Variants in SLC25A36 observed in about 807,000 individuals in gnomAD.
SLC25A36 encodes epididymis secretory sperm binding protein.
SLC25A36 carries 24 observed loss-of-function variants against 35.3 expected under a neutral mutation model. The observed-to-expected ratio is 0.68, with a 90% CI of 0.49 to 0.96. The LOEUF is 0.96. SLC25A36 is among the 40% of genes least tolerant of loss of function. The pLI, the probability that SLC25A36 is intolerant of heterozygous loss-of-function variation, is 0.00. For missense variants in SLC25A36, 294 were observed against 381.1 expected (o/e 0.77, Z 1.90); for synonymous variants, 141 against 132.2 (o/e 1.07, Z -0.46).
chr3:140,942,981 G>GTTAA (rs1934059164), intron 1 of SLC25A36, among the ~76,000 whole-genome samples: 1 of 152,182 alleles, frequency 6.6e-6, no homozygotes, highest in Non-Finnish European at 1.5e-5. Context: ...TGAAGATAGT[G>GTTAA]TTAATAGTTA....
chr3:140,949,463 T>C (rs1273285007), intron 1 of SLC25A36, among the ~76,000 whole-genome samples: 1 of 152,224 alleles, frequency 6.6e-6, no homozygotes, highest in African/African-American at 2.4e-5. Context: ...TTAAATATTC[T>C]ATAAGATCAA....
At chr3:140,943,536 GA>G (rs1489268807) in intron 1 of SLC25A36, among the ~76,000 whole-genome samples, 4 of 152,184 alleles carry the variant, frequency 2.6e-5, no homozygotes, top group African/African-American at 9.7e-5. Context: ...TAGCTATGTA[GA>G]TGCTCTTGAA....
At chr3:140,949,069 G>C (rs747959443) in intron 1 of SLC25A36, among the ~76,000 whole-genome samples, 16 of 152,046 alleles carry the variant, frequency 1.1e-4, no homozygotes, top group Non-Finnish European at 1.8e-4. Flanking sequence ...GTTTGCACAG[G>C]GTTGTTTTAT....
chr3:140,980,373 A>AT lies in SLC25A36; in HGVS notation c.*3923dup, dbSNP rs1212129269. Among the ~76,000 whole-genome samples, 1 of 152,042 alleles carries AT rather than the reference A, an allele frequency of 6.6e-6. No individual in the cohort carries two copies. Among genetic ancestry groups the AT allele is most frequent in the African/African-American group, 2.4e-5 (1 of 41,394 alleles). On this transcript the variant is annotated 3_prime_UTR_variant, in exon 7 of 7. Transcript: ENST00000324194. ...ACCCTCTTTACATTTTGTCTATTTT[A>AT]TTTAAGTTTTTCTGTATTGTAGTTA...
At chr3:140,950,883 CGT>C (rs531377561) in intron 1 of SLC25A36, among the ~76,000 whole-genome samples, 7 of 144,014 alleles carry the variant, frequency 4.9e-5, no homozygotes, top group Middle Eastern at 3.2e-3. Context: ...TTTTATCCAG[CGT>C]GTGTGTGTGT....
rs1935089361 is a variant in SLC25A36 at position 140,977,885 on chromosome 3, T to G, written c.*1432T>G. ...TCGTGAAAGCACTTTGTGGCCTTTTTTGGGGGGGAGGGTGAGAGAGTAGGA... is the reference window on the plus strand; with the variant it reads ...TCGTGAAAGCACTTTGTGGCCTTTTGTGGGGGGGAGGGTGAGAGAGTAGGA... On this transcript the variant is annotated 3_prime_UTR_variant, in exon 7 of 7. Coordinates refer to ENST00000324194, the MANE Select transcript of SLC25A36 (RefSeq NM_001104647.3). The G allele has an allele frequency of 1.3e-5, 2 of 151,974 alleles. No individual in the cohort carries two copies. Among genetic ancestry groups the G allele is most frequent in the African/African-American group, 4.8e-5 (2 of 41,390 alleles). 9.4% of individuals were successfully genotyped at this position (151,974 alleles called of 1,614,324 possible). A position where few individuals can be genotyped will look rare whatever the true frequency, so the allele number is the denominator to read the frequency against.
intron 1 of SLC25A36, among the ~76,000 whole-genome samples, chr3:140,953,999 A>G (rs1336666528): frequency 6.6e-6 from 1 of 152,070 alleles, no homozygotes; most frequent in Non-Finnish European, 1.5e-5. Context: ...GATATTGAAC[A>G]GTTTTTGTTA....
chr3:140,955,904 C>T (rs771644714), intron 1 of SLC25A36, among the ~76,000 whole-genome samples: 1 of 152,096 alleles, frequency 6.6e-6, no homozygotes, highest in Non-Finnish European at 1.5e-5. Context: ...CTATGTTGCC[C>T]AGGCTGATGT....
At position 140,977,005 on chromosome 3, in the gene SLC25A36, A is replaced by AT. The variant is rs1213408424; in HGVS notation, c.*558dup. ...GAAATAGCGTCTAAATATCTTGTAT[A>AT]TTTTTTAGCATCAAAATGTTTTGGT... On this transcript the variant is annotated 3_prime_UTR_variant, in exon 7 of 7. Transcript: ENST00000324194. 6.6e-6 allele frequency: 1 copy of AT among 152,150 alleles called. No homozygotes were observed. Among genetic ancestry groups the AT allele is most frequent in the Admixed American group, 6.5e-5 (1 of 15,268 alleles). 9.4% of individuals were successfully genotyped at this position (152,150 alleles called of 1,614,324 possible).
intron 2 of SLC25A36, among the ~76,000 whole-genome samples, chr3:140,957,399 A>C (rs530169514): frequency 2.0e-4 from 31 of 152,220 alleles, no homozygotes; most frequent in African/African-American, 7.0e-4. Flanking sequence ...TCTTTTTTCA[A>C]ACTTGTTTAC....
chr3:140,965,359 C>G (rs965264845), intron 4 of SLC25A36: 4 of 151,534 alleles, frequency 2.6e-5, no homozygotes, highest in Non-Finnish European at 5.9e-5. Flanking sequence ...TGTGAAAAAT[C>G]ATTTTCAGCT....
At position 140,959,555 on chromosome 3, in the gene SLC25A36, AAAT is replaced by A; in HGVS notation, c.284+16_284+18del. On this transcript the variant is annotated intron_variant, in intron 3 of 6. Coordinates refer to ENST00000324194, the MANE Select transcript of SLC25A36 (RefSeq NM_001104647.3). ...GCCCCTTCCAGGTAAAAAAAAAAAAAAATTGTTTAAAGCAAGTTATGGCAATCT... is the reference window on the plus strand; with the variant it reads ...GCCCCTTCCAGGTAAAAAAAAAAAAATGTTTAAAGCAAGTTATGGCAATCT... 1.5e-6 allele frequency: 2 copies of A among 1,378,680 alleles called. No individual in the cohort carries two copies. The highest frequency in any genetic ancestry group is 2.9e-5 in the East Asian group (1 of 34,856). 85.4% of individuals were successfully genotyped at this position (1,378,680 alleles called of 1,614,324 possible). A position where few individuals can be genotyped will look rare whatever the true frequency, so the allele number is the denominator to read the frequency against.
intron 1 of SLC25A36, among the ~76,000 whole-genome samples, chr3:140,954,767 T>C (rs1437565146): frequency 1.3e-5 from 2 of 152,232 alleles, no homozygotes; most frequent in Non-Finnish European, 2.9e-5. Flanking sequence ...TCTCAGTCTA[T>C]GGCTTTCATT....
chr3:140,969,932 TTTA>T (rs893079408), intron 4 of SLC25A36, among the ~76,000 whole-genome samples: 9 of 152,062 alleles, frequency 5.9e-5, no homozygotes, highest in Admixed American at 1.3e-4. Flanking sequence ...CATATAATTT[TTTA>T]TTGAGTAAAT....
intron 1 of SLC25A36, among the ~76,000 whole-genome samples, chr3:140,952,048 C>T (rs568370189): frequency 4.1e-5 from 6 of 146,560 alleles, no homozygotes; most frequent in African/African-American, 1.3e-4. Context: ...TGGAGTTTCA[C>T]TCTTGTTGCC....
intron 1 of SLC25A36, among the ~76,000 whole-genome samples, chr3:140,951,985 C>T (rs899158882): frequency 6.6e-6 from 1 of 151,586 alleles, no homozygotes; most frequent in African/African-American, 2.4e-5. Flanking sequence ...AGGCATGTGC[C>T]ACTGCACCTG....
At chr3:140,974,133 A>G (rs1934977107) in intron 6 of SLC25A36, 128 bp downstream of exon 6, 2 of 640,422 alleles carry the variant, frequency 3.1e-6, no homozygotes, top group Non-Finnish European at 5.2e-6. Flanking sequence ...TCATAATGAG[A>G]TTAAATCTGG....
intron 1 of SLC25A36, among the ~76,000 whole-genome samples, chr3:140,944,347 A>G (rs1029110638): frequency 6.6e-6 from 1 of 152,216 alleles, no homozygotes; most frequent in African/African-American, 2.4e-5. Flanking sequence ...AAATACTCAC[A>G]TGCATAACTC....
intron 1 of SLC25A36, among the ~76,000 whole-genome samples, chr3:140,955,230 C>T (rs1023339932): frequency 1.3e-5 from 2 of 151,836 alleles, no homozygotes; most frequent in Non-Finnish European, 2.9e-5. Context: ...CATTGCCATG[C>T]CTGCTTTCCT....
Sources: gnomAD v4.1 joint callset for allele counts (sites outside exome capture counted in the v4.1 genomes callset) on GRCh38, gnomAD v4.1.1 for gene constraint, MANE v1.5 for transcripts, NCBI Gene and HGNC (gene_info 2026-07-23, HGNC 2026-07-21) for gene names.